DBP: variants seen among roughly 807,000 people sequenced by gnomAD.
DBP encodes the protein D-box binding PAR bZIP transcription factor.
In DBP, 12 loss-of-function variants were observed where a neutral mutation model predicts 21.4. The ratio of observed to expected loss-of-function variants is 0.56; its 90% CI spans 0.36 to 0.91. DBP has a LOEUF of 0.91. DBP is among the 40% of genes least tolerant of loss of function. The pLI, the probability that DBP is intolerant of heterozygous loss-of-function variation, is 0.01. For synonymous variants in DBP, 213 were observed against 224.9 expected (o/e 0.95, Z 0.47); for missense variants, 423 against 473.4 (o/e 0.89, Z 0.99).
chr19:48,630,452 CTCCAGCACT>C lies in DBP; in HGVS notation c.*376_*384del. The C allele has an allele frequency of 6.8e-7, 1 of 1,463,928 alleles. No homozygotes were observed. The highest frequency in any genetic ancestry group is 9.0e-7 in the Non-Finnish European group (1 of 1,113,310). The allele number at this position is 1,463,928 out of a possible 1,614,324, so 90.7% of individuals were successfully genotyped here. A position where few individuals can be genotyped will look rare whatever the true frequency, so the allele number is the denominator to read the frequency against. On this transcript the variant is annotated 3_prime_UTR_variant, in exon 4 of 4. Coordinates refer to ENST00000222122, the MANE Select transcript of DBP (RefSeq NM_001352.5). The surrounding 1 kb of genome is among the most constrained non-coding windows in gnomAD (Gnocchi z 4.9). Reference sequence around the variant, plus strand: ...CCGACAGCCCGCGGGAGGACTCAGACTCCAGCACTTCCAGCAGCGCCTGCCCTCTATGGA... The same window carrying C: ...CCGACAGCCCGCGGGAGGACTCAGACTCCAGCAGCGCCTGCCCTCTATGGA...
intron 3 of DBP, 94 bp from the exon 4 acceptor site, chr19:48,631,146 C>T (rs573223982): frequency 4.5e-6 from 5 of 1,110,548 alleles, no homozygotes; most frequent in African/African-American, 1.6e-5. Flanking sequence ...CTAAACCACA[C>T]CAGGTCTCTG....
At position 48,630,034 on chromosome 19, in the gene DBP, G is replaced by T. The variant is rs1431183542; in HGVS notation, c.*803C>A. The T allele has an allele frequency of 7.5e-7, 1 of 1,339,228 alleles. No individual in the cohort carries two copies. Among genetic ancestry groups the T allele is most frequent in the African/African-American group, 1.5e-5 (1 of 68,184 alleles). 83.0% of individuals were successfully genotyped at this position (1,339,228 alleles called of 1,614,324 possible). ...GCGTCTGATCTGGGGCCGCCCTTAC[G>T]GGGCAGGGCTCAGTCCTGACGCTTG... On this transcript the variant is annotated 3_prime_UTR_variant, in exon 4 of 4. Coordinates refer to ENST00000222122, the MANE Select transcript of DBP (RefSeq NM_001352.5). The surrounding 1 kb of genome is among the most constrained non-coding windows in gnomAD (Gnocchi z 4.9).
intron 3 of DBP, chr19:48,633,070 T>C (rs1168063681): frequency 8.8e-6 from 4 of 456,910 alleles, no homozygotes; most frequent in Non-Finnish European, 1.6e-5. Flanking sequence ...CTTGGCTCAC[T>C]GCAGCCTCAA....
chr19:48,633,311 T>G, intron 3 of DBP, 133 bp downstream of exon 3: 1 of 950,418 alleles, frequency 1.1e-6, no homozygotes, highest in South Asian at 1.4e-5. Flanking sequence ...AGGACTAATC[T>G]GTGGCTGCAG....
rs777035889 is a variant in DBP at position 48,637,233 on chromosome 19, G to A, written c.-239C>T. The stretch of plus-strand genomic sequence containing the variant: ...GAGATCATGCAATCTGGGCGAGGGG[G>A]TGTCCAGATCAAGCGGTCGGCTCTT... On this transcript the variant is annotated 5_prime_UTR_variant, in exon 1 of 4. Coordinates refer to ENST00000222122, the MANE Select transcript of DBP (RefSeq NM_001352.5). 2.4e-5 allele frequency: 10 copies of A among 416,596 alleles called. No individual in the cohort carries two copies. Among genetic ancestry groups the A allele is most frequent in the Non-Finnish European group, 3.8e-5 (9 of 234,264 alleles). The allele number at this position is 416,596 out of a possible 1,614,324, so 25.8% of individuals were successfully genotyped here. A position where few individuals can be genotyped will look rare whatever the true frequency, so the allele number is the denominator to read the frequency against.
At chr19:48,632,138 C>CT (rs58604583) in intron 3 of DBP, 262 of 135,370 alleles carry the variant, frequency 1.9e-3, no homozygotes, top group South Asian at 8.6e-3. Flanking sequence ...AATTTTTGTT[C>CT]TTTTTTTTTT....
In DBP at chr19:48,635,900, G is replaced by C. The variant is rs780706474; in HGVS notation, c.230C>G (p.Pro77Arg). The C allele has an allele frequency of 7.0e-7, 1 of 1,422,124 alleles. No individual in the cohort carries two copies. The highest frequency in any genetic ancestry group is 1.5e-5 in the South Asian group (1 of 68,306). 88.1% of individuals were successfully genotyped at this position (1,422,124 alleles called of 1,614,324 possible). The stretch of plus-strand genomic sequence containing the variant: ...CCCTCCGCCCACCACTGCCCCAGCC[G>C]GGGCATCCGCCGGGCCCGCAGTCTC... ...GLETAGPADA[P>R]AGAVVGGGSP... The change falls in exon 2 of 4, where the codon CCG becomes CGG. Residue 77 changes from proline to arginine, a missense_variant. Physicochemically the swap from Pro to Arg is moderately radical, Grantham distance 103 (BLOSUM62 -2). Coordinates refer to ENST00000222122, the MANE Select transcript of DBP (RefSeq NM_001352.5).
chr19:48,631,156 G>T, intron 3 of DBP, 104 bp from the exon 4 acceptor site: 2 of 979,332 alleles, frequency 2.0e-6, no homozygotes, highest in Non-Finnish European at 3.0e-6. Flanking sequence ...CCAGGTCTCT[G>T]CTGGGATAGG....
intron 2 of DBP, chr19:48,634,703 C>A: frequency 2.0e-6 from 2 of 985,478 alleles, no homozygotes; most frequent in Non-Finnish European, 2.4e-6. Context: ...ACTCACGTGG[C>A]GCAGGAATGT....
chr19:48,635,693 C>A lies in DBP; in HGVS notation c.437G>T (p.Arg146Leu), dbSNP rs1001741857. 5.8e-5 allele frequency: 76 copies of A among 1,320,888 alleles called. No individual in the cohort carries two copies. The highest frequency in any genetic ancestry group is 2.6e-4 in the Middle Eastern group (1 of 3,854). The allele number at this position is 1,320,888 out of a possible 1,614,324, so 81.8% of individuals were successfully genotyped here. The change falls in exon 2 of 4, where the codon CGG becomes CTG. Residue 146 changes from arginine (R) to leucine (L), a missense_variant. This residue lies in a region of DBP where 283 missense variants were observed against 273.7 expected (regional missense o/e 1.03). Coordinates refer to ENST00000222122, the MANE Select transcript of DBP (RefSeq NM_001352.5). ...CGGCCCTGGGGAGGGTGCGGGCGTC[C>A]GCGCGGGCGACGGCTCCGGCGACGG... is the stretch of plus-strand genomic sequence containing the variant. ...GGPSPEPSPARTPAPSPGPGS... is the reference protein window; with the variant it reads ...GGPSPEPSPALTPAPSPGPGS...
intron 2 of DBP, 167 bp downstream of exon 2, chr19:48,635,413 T>G: frequency 1.4e-6 from 2 of 1,439,114 alleles, no homozygotes; most frequent in Non-Finnish European, 1.8e-6. Context: ...CCCTGACCCA[T>G]TAAGAGACAC....
intron 2 of DBP, chr19:48,634,003 GGCTGGAGAATT>G (rs2030691589): frequency 3.1e-6 from 1 of 322,622 alleles, no homozygotes; most frequent in African/African-American, 2.1e-5. Flanking sequence ...GGGAGGCTGA[GGCTGGAGAATT>G]GCTTGAACCC....
At chr19:48,631,110 G>A (rs1035466557) in intron 3 of DBP, 58 bp from the exon 4 acceptor site, 3 of 1,496,134 alleles carry the variant, frequency 2.0e-6, no homozygotes, top group Non-Finnish European at 2.7e-6. Flanking sequence ...CCCAGCGAGA[G>A]AGGAAGGGAG....
intron 3 of DBP, chr19:48,631,565 T>C (rs2030588380): frequency 6.4e-6 from 1 of 155,864 alleles, no homozygotes. Context: ...CAAACAAAAG[T>C]GAGGTCTAAG....
rs765387720 is a variant in DBP, at chr19:48,636,008, C to G, written c.140-18G>C. ...CAGGAGACCTGCGGGCCGGGAAAGA[C>G]GGGTTGGGATGAGGGTGAGGTGGGG... On this transcript the variant is annotated intron_variant, in intron 1 of 3. Transcript: ENST00000222122. 1 of 1,497,120 alleles carries G rather than the reference C, an allele frequency of 6.7e-7. No individual in the cohort carries two copies. Among genetic ancestry groups the G allele is most frequent in the Non-Finnish European group, 8.9e-7 (1 of 1,129,302 alleles). 92.7% of individuals were successfully genotyped at this position (1,497,120 alleles called of 1,614,324 possible).
chr19:48,633,825 G>A, intron 2 of DBP, 170 bp from the exon 3 acceptor site: 1 of 634,028 alleles, frequency 1.6e-6, no homozygotes, highest in Admixed American at 2.8e-5. Flanking sequence ...CCTTGGCCAG[G>A]CGCAGTGGCT....
At chr19:48,632,184 T>C (rs984852612) in intron 3 of DBP, 17 of 151,932 alleles carry the variant, frequency 1.1e-4, no homozygotes, top group African/African-American at 4.1e-4. Flanking sequence ...TCGCCCAGGC[T>C]GGAGTGCAGT....
rs1402503453 is a variant in DBP, at chr19:48,637,079, G to C, written c.-85C>G. The C allele has an allele frequency of 2.9e-5, 37 of 1,280,588 alleles. No individual in the cohort carries two copies. The highest frequency in any genetic ancestry group is 3.5e-5 in the Non-Finnish European group (34 of 966,942). The allele number at this position is 1,280,588 out of a possible 1,614,324, so 79.3% of individuals were successfully genotyped here. Reference sequence around the variant, plus strand: ...GTCACCAGCACACTCCAGTGGTTTGGACGAGTGTCTGCCCAGGGGCGGGCG... The same window carrying C: ...GTCACCAGCACACTCCAGTGGTTTGCACGAGTGTCTGCCCAGGGGCGGGCG... On this transcript the variant is annotated 5_prime_UTR_variant, in exon 1 of 4. Coordinates refer to ENST00000222122, the MANE Select transcript of DBP (RefSeq NM_001352.5).
At chr19:48,636,724 A>G in intron 1 of DBP, 132 bp downstream of exon 1, 1 of 1,135,534 alleles carries the variant, frequency 8.8e-7, no homozygotes. Context: ...TAAACACCTG[A>G]GTAATTGAGT....
Sources: gnomAD v4.1 joint callset for allele counts on GRCh38, gnomAD v4.1.1 for gene constraint, gnomAD v4.1.1 regional missense constraint, Gnocchi (gnomAD v3.1) non-coding constraint, MANE v1.5 for transcripts, NCBI Gene and HGNC (gene_info 2026-07-23, HGNC 2026-07-21) for gene names.